The following DAW1 variants were observed in gnomAD, a reference collection of about 807,000 sequenced individuals.
DAW1 encodes dynein assembly factor with WD repeats 1.
In DAW1, 47 loss-of-function variants were observed where a neutral mutation model predicts 56.5. The observed-to-expected ratio is 0.83, with a 90% confidence interval of 0.66 to 1.06. The LOEUF is 1.06. DAW1 is among the 50% of genes least tolerant of loss of function. The pLI, the probability that DAW1 is intolerant of heterozygous loss-of-function variation, is 0.00. For missense variants in DAW1, 505 were observed against 499.3 expected (o/e 1.01, Z -0.11); for synonymous variants, 190 against 179.0 (o/e 1.06, Z -0.49).
intron 4 of DAW1, 60 bp from the exon 5 acceptor site, chr2:227,893,735 G>A (rs563403736): frequency 6.8e-5 from 106 of 1,557,624 alleles, no homozygotes; most frequent in Middle Eastern, 1.7e-4. Flanking sequence ...GGTAAAACAT[G>A]AAGTCTTTAT....
chr2:227,892,497 G>T (rs1302879842), intron 4 of DAW1, among the ~76,000 whole-genome samples: 1 of 152,112 alleles, frequency 6.6e-6, no homozygotes, highest in East Asian at 1.9e-4. Flanking sequence ...ACATTCTAAG[G>T]TTCTGGGGGA....
In DAW1 at chr2:227,918,142, G is replaced by GTCCA. The variant is rs1289755154; in HGVS notation, c.974-611_974-608dup. Among the ~76,000 whole-genome samples the GTCCA allele has an allele frequency of 6.7e-4, 55 of 82,164 alleles. No homozygotes were observed. The East Asian group carries it at 7.3e-3, about 11-fold the overall frequency. The allele number at this position is 82,164 out of a possible 152,430, so 53.9% of individuals were successfully genotyped here. The stretch of plus-strand genomic sequence containing the variant: ...CATTTCTCCATCCATCCATCCATCC[G>GTCCA]TCCATCCATCCATCCATCCATCCAT... On this transcript the variant is annotated intron_variant, in intron 10 of 12. Transcript: ENST00000309931.
rs78456977 is a variant in DAW1 at position 227,923,746 on chromosome 2, A to G, written c.1214-188A>G. Among the ~76,000 whole-genome samples, 4 of 126,952 alleles carry G rather than the reference A, an allele frequency of 3.2e-5. No individual in the cohort carries two copies. In the East Asian group the frequency reaches 9.5e-4, roughly 30 times the overall value. The allele number at this position is 126,952 out of a possible 152,430, so 83.3% of individuals were successfully genotyped here. ...TAATTTACAACTAGCTGGTATCGTG[A>G]AAAAAAAAAAAATCACTACTTTAAA... is the stretch of plus-strand genomic sequence containing the variant. On this transcript the variant is annotated intron_variant, in intron 12 of 12. Transcript: ENST00000309931.
At chr2:227,916,000 A>G (rs1209517034) in intron 10 of DAW1, among the ~76,000 whole-genome samples, 1 of 152,124 alleles carries the variant, frequency 6.6e-6, no homozygotes, top group Admixed American at 6.5e-5. Flanking sequence ...GCATATTTTC[A>G]TGATAGCTAT....
At chr2:227,921,915 C>T (rs1692120058) in intron 12 of DAW1, among the ~76,000 whole-genome samples, 1 of 152,178 alleles carries the variant, frequency 6.6e-6, no homozygotes, top group African/African-American at 2.4e-5. Context: ...CCAACAATCT[C>T]AGTGCTTTGA....
At chr2:227,899,999 A>C (rs1200195654) in intron 6 of DAW1, among the ~76,000 whole-genome samples, 3 of 152,208 alleles carry the variant, frequency 2.0e-5, no homozygotes, top group African/African-American at 7.2e-5. Context: ...TGGTATATTC[A>C]TCCATAAAGA....
chr2:227,878,944 C>A (rs1287446013), intron 1 of DAW1, among the ~76,000 whole-genome samples: 1 of 151,724 alleles, frequency 6.6e-6, no homozygotes, highest in Non-Finnish European at 1.5e-5. Flanking sequence ...TGCCACCACA[C>A]TTGGCTAATT....
chr2:227,918,790 A>G lies in DAW1; in HGVS notation c.984A>G (p.Arg328=), dbSNP rs762576095. 1.2e-6 allele frequency: 2 copies of G among 1,614,022 alleles called. No individual in the cohort carries two copies. Among genetic ancestry groups the G allele is most frequent in the African/African-American group, 2.7e-5 (2 of 74,902 alleles). The change falls in exon 11 of 13, where the codon AGA becomes AGG. Residue 328 remains arginine (R), a synonymous_variant. Transcript: ENST00000309931. ...ACCCCTCTCAAAAAGGAACAGCAAG[A>G]ATTTTCAGTGCTGCCACAAGAAAAT... ...IATASADGTA[R]IFSAATRKCI...
In DAW1 at chr2:227,922,837, G is replaced by C. The variant is rs559807326; in HGVS notation, c.1214-1097G>C. On this transcript the variant is annotated intron_variant, in intron 12 of 12. Transcript: ENST00000309931. ...CTGGGAAAACAAGCCATAGATTTTT[G>C]TTGTGAACACAATATCAAATCCTTC... is the stretch of plus-strand genomic sequence containing the variant. Among the ~76,000 whole-genome samples, 183 of 152,160 alleles carry C rather than the reference G, an allele frequency of 1.2e-3. 3 individuals carry two copies. Among genetic ancestry groups the C allele is most frequent in the Admixed American group, 2.6e-3 (40 of 15,278 alleles).
At chr2:227,873,537 C>T (rs373880217) in intron 1 of DAW1, among the ~76,000 whole-genome samples, 1 of 152,114 alleles carries the variant, frequency 6.6e-6, no homozygotes, top group African/African-American at 2.4e-5. Flanking sequence ...GCTTCTGCCT[C>T]CCTGGAAGAC....
At position 227,885,440 on chromosome 2, in the gene DAW1, A is replaced by T; in HGVS notation, c.113+17A>T. On this transcript the variant is annotated intron_variant, in intron 2 of 12. Transcript: ENST00000309931. ...TGGTCCCAGGTAAGTAAGCTGTAGG[A>T]TTCAACAAATAAATGTTCACTGGGA... 1 of 1,582,212 alleles carries T rather than the reference A, an allele frequency of 6.3e-7. No homozygotes were observed. The highest frequency in any genetic ancestry group is 8.6e-7 in the Non-Finnish European group (1 of 1,164,632).
At chr2:227,921,596 T>C (rs1310664133) in intron 12 of DAW1, 35 bp downstream of exon 12, 1 of 1,585,360 alleles carries the variant, frequency 6.3e-7, no homozygotes, top group Non-Finnish European at 8.6e-7. Context: ...ACTCATTTTT[T>C]CTTGATTGGC....
chr2:227,916,000 A>T (rs1209517034), intron 10 of DAW1, among the ~76,000 whole-genome samples: 2 of 152,124 alleles, frequency 1.3e-5, no homozygotes, highest in South Asian at 2.1e-4. Flanking sequence ...GCATATTTTC[A>T]TGATAGCTAT....
chr2:227,903,207 G>T, intron 7 of DAW1, 98 bp downstream of exon 7: 15 of 1,282,382 alleles, frequency 1.2e-5, no homozygotes, highest in Admixed American at 2.0e-5. Context: ...TGAGTTGCTG[G>T]TTTTCAAATT....
chr2:227,902,881 G>A, intron 6 of DAW1, 121 bp from the exon 7 acceptor site: 1 of 990,650 alleles, frequency 1.0e-6, no homozygotes, highest in East Asian at 2.6e-5. Context: ...ACATACGTGG[G>A]GTTTTGTACA....
chr2:227,918,946 G>A (rs904371925), intron 11 of DAW1, 90 bp downstream of exon 11: 3 of 1,294,756 alleles, frequency 2.3e-6, no homozygotes, highest in African/African-American at 1.5e-5. Flanking sequence ...TATAATCCCA[G>A]CACTTTGAGA....
chr2:227,904,906 G>T, intron 7 of DAW1, 23 bp from the exon 8 acceptor site: 1 of 1,584,102 alleles, frequency 6.3e-7, no homozygotes, highest in South Asian at 1.1e-5. Context: ...AGGTATACTT[G>T]ACAGTATCTG....
chr2:227,916,130 T>A (rs1691948018), intron 10 of DAW1, among the ~76,000 whole-genome samples: 1 of 152,166 alleles, frequency 6.6e-6, no homozygotes, highest in African/African-American at 2.4e-5. Flanking sequence ...TGTATGACTA[T>A]TACCCTGAAA....
chr2:227,895,202 T>C (rs924017465), intron 5 of DAW1, among the ~76,000 whole-genome samples: 11 of 152,322 alleles, frequency 7.2e-5, no homozygotes, highest in Admixed American at 2.6e-4. Flanking sequence ...AGAGGTTTGA[T>C]ACGATTTCTG....
Sources: gnomAD v4.1 joint callset for allele counts (sites outside exome capture counted in the v4.1 genomes callset) on GRCh38, gnomAD v4.1.1 for gene constraint, MANE v1.5 for transcripts, NCBI Gene and HGNC (gene_info 2026-07-23, HGNC 2026-07-21) for gene names.